Variants in PDK1 observed in about 807,000 individuals in gnomAD.
PDK1 encodes the protein pyruvate dehydrogenase kinase 1, also known as [Pyruvate dehydrogenase (acetyl-transferring)] kinase isozyme 1, mitochondrial.
PDK1 carries 39 observed loss-of-function variants against 54.2 expected under a neutral mutation model. That is an observed-to-expected ratio of 0.72 (90% CI 0.56 to 0.94). PDK1 has a LOEUF of 0.94. PDK1 is among the 40% of genes least tolerant of loss of function. PDK1 has a pLI of 0.00. For missense variants in PDK1, 552 were observed against 566.0 expected (o/e 0.98, Z 0.25); for synonymous variants, 221 against 207.1 (o/e 1.07, Z -0.58).
In PDK1 at chr2:172,599,801, C is replaced by G; in HGVS notation, c.*3832C>G. On this transcript the variant is annotated 3_prime_UTR_variant, in exon 11 of 11. Coordinates refer to ENST00000282077, the MANE Select transcript of PDK1 (RefSeq NM_002610.5). ...ATTGCTAACCATAGGTTTTTAATAG[C>G]AAAAGACAAGATTGTCAGTTTTTGG... 2 of 152,130 alleles carry G rather than the reference C, an allele frequency of 1.3e-5. 1 individual carries two copies. The highest frequency in any genetic ancestry group is 2.9e-5 in the Non-Finnish European group (2 of 68,012). 9.4% of individuals were successfully genotyped at this position (152,130 alleles called of 1,614,324 possible).
intron 8 of PDK1, among the ~76,000 whole-genome samples, chr2:172,581,225 G>A (rs1689889551): frequency 1.3e-5 from 2 of 152,112 alleles, no homozygotes; most frequent in South Asian, 4.1e-4. Context: ...CTAGTAGCTG[G>A]GACTACAGGC....
chr2:172,670,469 A>G, the PDK1 span, among the ~76,000 whole-genome samples: 1 of 152,232 alleles, frequency 6.6e-6, no homozygotes, highest in Non-Finnish European at 1.5e-5. Flanking sequence ...TGCTAAATTT[A>G]TGAAGTTTTA....
At chr2:172,612,437 CAAT>C (rs1200083485), downstream of PDK1, among the ~76,000 whole-genome samples, 1 of 151,898 alleles carries the variant, frequency 6.6e-6, no homozygotes, top group Non-Finnish European at 1.5e-5. Context: ...CATAAACTAA[CAAT>C]GTCAAGAGGT....
the PDK1 span, among the ~76,000 whole-genome samples, chr2:172,649,458 G>A: frequency 2.0e-5 from 3 of 152,202 alleles, no homozygotes; most frequent in Admixed American, 2.0e-4. Flanking sequence ...CTCACCAGCA[G>A]TGGAACAAAG....
chr2:172,667,592 G>T, the PDK1 span, among the ~76,000 whole-genome samples: 1 of 152,210 alleles, frequency 6.6e-6, no homozygotes, highest in African/African-American at 2.4e-5. Context: ...TTCAAATTCA[G>T]AAACTAGAAA....
chr2:172,643,294 A>C, the PDK1 span, among the ~76,000 whole-genome samples: 1 of 152,124 alleles, frequency 6.6e-6, no homozygotes, highest in African/African-American at 2.4e-5. Flanking sequence ...TTAGGTTACT[A>C]CCTCACCTCC....
chr2:172,651,906 C>G, the PDK1 span, among the ~76,000 whole-genome samples: 1 of 152,240 alleles, frequency 6.6e-6, no homozygotes, highest in African/African-American at 2.4e-5. Context: ...AGAGCTGGTA[C>G]CATTCCTTCT....
intron 10 of PDK1, among the ~76,000 whole-genome samples, chr2:172,594,390 C>T (rs2149299488): frequency 6.6e-6 from 1 of 152,262 alleles, no homozygotes; most frequent in African/African-American, 2.4e-5. Context: ...AATCTTATGG[C>T]TTCCCTGGGC....
chr2:172,609,080 A>C (rs527507355), downstream of PDK1, among the ~76,000 whole-genome samples: 1 of 152,346 alleles, frequency 6.6e-6, no homozygotes, highest in South Asian at 2.1e-4. Context: ...ACAGTTAATA[A>C]TGGACACTTT....
chr2:172,592,669 A>T (rs1690666466), intron 9 of PDK1, among the ~76,000 whole-genome samples: 1 of 152,208 alleles, frequency 6.6e-6, no homozygotes, highest in African/African-American at 2.4e-5. Flanking sequence ...AAGGAAAAGC[A>T]ATATGCTTTT....
chr2:172,720,116 C>CTCT, the PDK1 span, among the ~76,000 whole-genome samples: 1,637 of 116,664 alleles, frequency 0.014, 27 homozygotes, highest in Middle Eastern at 0.034. Context: ...CTCTCTCTCT[C>CTCT]TTTTTTTTTT....
the PDK1 span, among the ~76,000 whole-genome samples, chr2:172,711,940 G>A: frequency 6.8e-6 from 1 of 147,678 alleles, no homozygotes; most frequent in African/African-American, 2.5e-5. Context: ...AGAACATTTA[G>A]GAATATGTTC....
chr2:172,558,805 A>G lies in PDK1; in HGVS notation c.294A>G (p.Pro98=), dbSNP rs1688498470. The G allele has an allele frequency of 6.2e-7, 1 of 1,611,502 alleles. No homozygotes were observed. Among genetic ancestry groups the G allele is most frequent in the African/African-American group, 1.3e-5 (1 of 74,738 alleles). The change falls in exon 2 of 11, where the codon CCA becomes CCG. Residue 98 remains proline (P), a synonymous_variant. Coordinates refer to ENST00000282077, the MANE Select transcript of PDK1 (RefSeq NM_002610.5). ...TAATGAAAGAAATAAGTCTCCTTCC[A>G]GATAATCTTCTCAGGACACCATCCG... The part of the protein sequence containing the change: ...ANIMKEISLL[P]DNLLRTPSVQ...
At chr2:172,613,763 A>G in the PDK1 span, among the ~76,000 whole-genome samples, 1 of 152,172 alleles carries the variant, frequency 6.6e-6, no homozygotes, top group Non-Finnish European at 1.5e-5. Flanking sequence ...GGGGCTGCAT[A>G]TTCCATGGAG....
the PDK1 span, among the ~76,000 whole-genome samples, chr2:172,620,259 T>C: frequency 1.3e-5 from 2 of 152,184 alleles, no homozygotes; most frequent in African/African-American, 4.8e-5. Flanking sequence ...AGCAAATAAC[T>C]GGACAGTCTC....
the PDK1 span, among the ~76,000 whole-genome samples, chr2:172,716,523 C>T: frequency 6.6e-6 from 1 of 152,030 alleles, no homozygotes; most frequent in Non-Finnish European, 1.5e-5. Context: ...TGGAGTTTCA[C>T]CATGTTGGTC....
the PDK1 span, among the ~76,000 whole-genome samples, chr2:172,703,072 A>G: frequency 7.9e-5 from 12 of 152,338 alleles, no homozygotes; most frequent in African/African-American, 2.6e-4. Context: ...TGTGACCTGA[A>G]TGCCATCCCA....
chr2:172,675,456 G>A, the PDK1 span, among the ~76,000 whole-genome samples: 2 of 152,192 alleles, frequency 1.3e-5, no homozygotes, highest in Non-Finnish European at 2.9e-5. Context: ...AGAAAGTGAA[G>A]CATCCTTATT....
At chr2:172,631,367 A>G in the PDK1 span, among the ~76,000 whole-genome samples, 1 of 152,228 alleles carries the variant, frequency 6.6e-6, no homozygotes, top group South Asian at 2.1e-4. Context: ...TCTCCTAATT[A>G]TGATTCAGTA....
Sources: gnomAD v4.1 joint callset for allele counts (sites outside exome capture counted in the v4.1 genomes callset) on GRCh38, gnomAD v4.1.1 for gene constraint, MANE v1.5 for transcripts, NCBI Gene and HGNC (gene_info 2026-07-23, HGNC 2026-07-21) for gene names.